The following DNAH17 variants were observed in gnomAD, a reference collection of about 807,000 sequenced individuals.
The protein encoded by DNAH17 is dynein axonemal heavy chain 17.
Under a neutral mutation model 485.6 loss-of-function variants are expected in DNAH17, and 376 were observed. The ratio of observed to expected loss-of-function variants is 0.77; its 90% CI spans 0.71 to 0.84. The LOEUF (loss-of-function observed/expected upper bound fraction) is 0.84, where lower values mean the gene tolerates loss of function less well. Ranked by LOEUF, DNAH17 falls within the 40% of genes least tolerant of loss-of-function variation. The pLI is 0.00. For missense variants in DNAH17, 6,370 were observed against 5,839.3 expected, an observed-to-expected ratio of 1.09 and a Z score of -2.96; for synonymous variants, 3,031 against 2,405.9, an observed-to-expected ratio of 1.26 and a Z score of -7.60.
rs1304993252 is a variant in DNAH17 at position 78,505,448 on chromosome 17, G to T, written c.4804-3C>A. 9.3e-6 allele frequency: 15 copies of T among 1,614,000 alleles called. No individual in the cohort carries two copies. The highest frequency in any genetic ancestry group is 1.3e-5 in the Non-Finnish European group (15 of 1,179,880). On this transcript the variant is annotated splice_polypyrimidine_tract_variant and splice_region_variant and intron_variant, in intron 30 of 80. Transcript: ENST00000389840. ...AGTTTGGACAGGTGGCGGCTCACCTGGGAGGAGGCAAGAAGCGGGAATTAT... is the reference window on the plus strand; with the variant it reads ...AGTTTGGACAGGTGGCGGCTCACCTTGGAGGAGGCAAGAAGCGGGAATTAT...
rs117761958 is a variant in DNAH17, at chr17:78,476,895, G to A, written c.7993-162C>T. Among the ~76,000 whole-genome samples, 697 of 152,250 alleles carry A rather than the reference G, an allele frequency of 4.6e-3. 3 individuals are homozygous for A. The highest frequency in any genetic ancestry group is 7.3e-3 in the Non-Finnish European group (496 of 68,010). ...GGGGCCAGGGAAGCCACTCATCACG[G>A]AGGTCCCAAAAATCCCGGATGCCAG... On this transcript the variant is annotated intron_variant, in intron 51 of 80. Transcript: ENST00000389840.
At chr17:78,428,947 GGTT>G (rs1555649353) in intron 76 of DNAH17, among the ~76,000 whole-genome samples, 171 bp downstream of exon 76, 1 of 90,700 alleles carries the variant, frequency 1.1e-5, no homozygotes, top group Non-Finnish European at 2.4e-5. Context: ...AAAAAAAAAA[GGTT>G]GTTTGTATTA....
chr17:78,478,100 T>TCACCACCACCACCACCACCACCAC (rs1568117881), intron 51 of DNAH17, among the ~76,000 whole-genome samples: 1 of 55,188 alleles, frequency 1.8e-5, no homozygotes, highest in African/African-American at 1.2e-4. Context: ...ACCACCACCA[T>TCACCACCACCACCACCACCACCAC]CATCATCATC....
chr17:78,488,213 C>T (rs11077371), intron 44 of DNAH17, among the ~76,000 whole-genome samples: 83,785 of 152,068 alleles, frequency 0.55, 23,363 homozygotes, highest in African/African-American at 0.63. Flanking sequence ...CACATGCTTG[C>T]GAGACAGGCC....
At chr17:78,453,542 C>G in intron 64 of DNAH17, 77 bp from the exon 65 acceptor site, 1 of 1,576,660 alleles carries the variant, frequency 6.3e-7, no homozygotes. Flanking sequence ...GACCAGCAGC[C>G]CCTGCCCTCT....
chr17:78,430,899 T>G (rs577902280), intron 75 of DNAH17, among the ~76,000 whole-genome samples: 1 of 150,634 alleles, frequency 6.6e-6, no homozygotes, highest in South Asian at 2.1e-4. Context: ...ATATGTTTTT[T>G]AGACAGGATC....
chr17:78,567,527 T>G (rs1431161775), intron 9 of DNAH17, among the ~76,000 whole-genome samples: 1 of 152,138 alleles, frequency 6.6e-6, no homozygotes, highest in Non-Finnish European at 1.5e-5. Flanking sequence ...GGGAAGCGGT[T>G]GGAATGGTGC....
intron 26 of DNAH17, among the ~76,000 whole-genome samples, chr17:78,513,085 C>G (rs1413353915): frequency 1.3e-5 from 2 of 152,018 alleles, no homozygotes; most frequent in South Asian, 2.1e-4. Context: ...CCTAAGCCCC[C>G]GAACAAATTG....
intron 25 of DNAH17, 142 bp downstream of exon 25, chr17:78,524,867 C>T: frequency 2.5e-6 from 3 of 1,197,228 alleles, no homozygotes; most frequent in Non-Finnish European, 3.4e-6. Context: ...TCTCAGGGCC[C>T]TTCGGATGCC....
At chr17:78,520,586 A>G (rs1007987069) in intron 25 of DNAH17, among the ~76,000 whole-genome samples, 2 of 152,260 alleles carry the variant, frequency 1.3e-5, no homozygotes, top group South Asian at 4.1e-4. Flanking sequence ...AAACATGTGC[A>G]AACCAAAATT....
At chr17:78,462,805 G>A (rs1433504072) in intron 57 of DNAH17, 39 bp downstream of exon 57, 1 of 1,603,928 alleles carries the variant, frequency 6.2e-7, no homozygotes, top group South Asian at 1.1e-5. Flanking sequence ...GGCCTCCAGG[G>A]AACGGCACAG....
chr17:78,427,629 G>A (rs867549353), intron 77 of DNAH17, among the ~76,000 whole-genome samples: 9 of 152,180 alleles, frequency 5.9e-5, no homozygotes, highest in Admixed American at 2.0e-4. Context: ...AGTCTTTACC[G>A]GGAAGTCCTG....
chr17:78,515,008 G>T lies in DNAH17; in HGVS notation c.3879C>A (p.Ile1293=), dbSNP rs756875202. The change falls in exon 26 of 81, where the codon ATC becomes ATA. Residue 1293 remains isoleucine (I), a synonymous_variant. Coordinates refer to ENST00000389840, the MANE Select transcript of DNAH17 (RefSeq NM_173628.4). ...WDMVVVVNTS[I]EDWKTTKWKD... Reference sequence around the variant, plus strand: ...TCCACTTGGTGGTCTTCCAGTCCTCGATGCTGGTATTTACCTGAAACGAAA... The same window carrying T: ...TCCACTTGGTGGTCTTCCAGTCCTCTATGCTGGTATTTACCTGAAACGAAA... The T allele has an allele frequency of 3.7e-6, 6 of 1,613,732 alleles. No individual in the cohort carries two copies. In the Admixed American group the frequency reaches 1.0e-4, roughly 27 times the overall value.
At chr17:78,577,138 G>T (rs1016461339) in intron 1 of DNAH17, among the ~76,000 whole-genome samples, 157 bp downstream of exon 1, 1 of 152,162 alleles carries the variant, frequency 6.6e-6, no homozygotes, top group African/African-American at 2.4e-5. Flanking sequence ...GGGTCCCAGA[G>T]CCATGAACAG....
chr17:78,499,168 C>T (rs117146460), intron 36 of DNAH17, 56 bp from the exon 37 acceptor site: 14,716 of 1,286,206 alleles, frequency 0.011, 132 homozygotes, highest in Admixed American at 0.033. Flanking sequence ...GGAGGGCGGG[C>T]GCTGCAGGGG....
In DNAH17 at chr17:78,507,699, G is replaced by C; in HGVS notation, c.4343C>G (p.Thr1448Arg). The part of the protein sequence containing the change: ...MLKSSEVLVE[T>R]LEDNQVQLQN... ...CAGCTGCACCTGGTTGTCCTCCAGC[G>C]TCTCCACCAGCACCTCGCTGGACTT... The change falls in exon 28 of 81, where the codon ACG becomes AGG. Residue 1448 changes from threonine (T) to arginine (R), a missense_variant. Coordinates refer to ENST00000389840, the MANE Select transcript of DNAH17 (RefSeq NM_173628.4). The C allele has an allele frequency of 6.2e-7, 1 of 1,610,238 alleles. No individual in the cohort carries two copies. Among genetic ancestry groups the C allele is most frequent in the Non-Finnish European group, 8.5e-7 (1 of 1,179,672 alleles).
intron 22 of DNAH17, among the ~76,000 whole-genome samples, chr17:78,529,114 A>T (rs544431171): frequency 6.6e-6 from 1 of 152,002 alleles, no homozygotes; most frequent in Non-Finnish European, 1.5e-5. Flanking sequence ...CTAATTTTCT[A>T]TATTTTTGTA....
chr17:78,550,847 G>T (rs1039546702), intron 16 of DNAH17, among the ~76,000 whole-genome samples: 2 of 152,176 alleles, frequency 1.3e-5, no homozygotes, highest in African/African-American at 4.8e-5. Flanking sequence ...AGATATTTTG[G>T]ACAAGGGAGG....
rs562857169 is a variant in DNAH17 at position 78,573,320 on chromosome 17, G to A, written c.346-426C>T. ...GTCTTTAAAGAGGTGAGTAAGGGCTGGGGGCGGTAGCTCATACCTGTAAAT... is the reference window on the plus strand; with the variant it reads ...GTCTTTAAAGAGGTGAGTAAGGGCTAGGGGCGGTAGCTCATACCTGTAAAT... On this transcript the variant is annotated intron_variant, in intron 2 of 80. Transcript: ENST00000389840. Among the ~76,000 whole-genome samples the A allele has an allele frequency of 2.6e-5, 4 of 152,260 alleles. 1 individual carries two copies. Among genetic ancestry groups the A allele is most frequent in the Admixed American group, 1.3e-4 (2 of 15,294 alleles).
Sources: gnomAD v4.1 joint callset for allele counts (sites outside exome capture counted in the v4.1 genomes callset) on GRCh38, gnomAD v4.1.1 for gene constraint, MANE v1.5 for transcripts, NCBI Gene and HGNC (gene_info 2026-07-23, HGNC 2026-07-21) for gene names.